PTK2B: variants seen among roughly 807,000 people sequenced by gnomAD.
PTK2B encodes the protein protein-tyrosine kinase 2-beta.
In PTK2B, 71 loss-of-function variants were observed where a neutral mutation model predicts 142.9. That is an observed-to-expected ratio of 0.50 (90% CI 0.41 to 0.61). PTK2B has a LOEUF of 0.61. PTK2B is among the 20% of genes least tolerant of loss of function. PTK2B has a pLI of 0.00. For synonymous variants in PTK2B, 519 were observed against 503.4 expected (o/e 1.03, Z -0.42); for missense variants, 1,105 against 1,320.4 (o/e 0.84, Z 2.53).
chr8:27,422,212 G>C (rs1809801436), intron 4 of PTK2B, 92 bp from the exon 5 acceptor site: 1 of 1,233,410 alleles, frequency 8.1e-7, no homozygotes, highest in East Asian at 2.7e-5. Context: ...CACTCAGGGA[G>C]GCAGAATGAG....
intron 19 of PTK2B, 31 bp from the exon 20 acceptor site, chr8:27,439,278 C>T: frequency 6.3e-7 from 1 of 1,582,928 alleles, no homozygotes; most frequent in Non-Finnish European, 8.7e-7. Context: ...ATCTTTCTTC[C>T]CTAAAAATCA....
rs755316711 is a variant in PTK2B, at chr8:27,419,998, A to ACTGGCTGC, written c.309_316dup (p.His106ProfsTer7). On this transcript the variant is annotated frameshift_variant, in exon 3 of 31. Transcript: ENST00000346049. LOFTEE classifies it high-confidence loss of function. Reference sequence around the variant, plus strand: ...AAGCACATGAAGTCCGATGAGATCCACTGGCTGCACCCACAGATGACGGTG... The same window carrying ACTGGCTGC: ...AAGCACATGAAGTCCGATGAGATCCACTGGCTGCCTGGCTGCACCCACAGATGACGGTG... 6.2e-7 allele frequency: 1 copy of ACTGGCTGC among 1,614,214 alleles called. No homozygotes were observed.
intron 21 of PTK2B, among the ~76,000 whole-genome samples, chr8:27,442,429 G>C (rs1811207475): frequency 6.6e-6 from 1 of 152,152 alleles, no homozygotes; most frequent in Non-Finnish European, 1.5e-5. Context: ...TGCCTCATTA[G>C]CACATACCGG....
At chr8:27,375,508 C>T (rs892926256) in intron 1 of PTK2B, among the ~76,000 whole-genome samples, 3 of 152,202 alleles carry the variant, frequency 2.0e-5, no homozygotes, top group Non-Finnish European at 4.4e-5. Flanking sequence ...CTAGTTCTGA[C>T]CTGTAGATCC....
At chr8:27,439,744 C>A (rs1023880157) in intron 20 of PTK2B, among the ~76,000 whole-genome samples, 5 of 152,130 alleles carry the variant, frequency 3.3e-5, no homozygotes, top group Non-Finnish European at 1.5e-5. Flanking sequence ...TGTAGAGAGA[C>A]AGCCCCTTAC....
At chr8:27,380,584 T>G (rs545499163) in intron 1 of PTK2B, 1 of 152,238 alleles carries the variant, frequency 6.6e-6, no homozygotes, top group Admixed American at 6.5e-5. Context: ...AATAAAGGGC[T>G]TGGGTAACGA....
chr8:27,418,052 T>G (rs956485032), intron 2 of PTK2B, among the ~76,000 whole-genome samples: 5 of 152,250 alleles, frequency 3.3e-5, no homozygotes, highest in African/African-American at 1.2e-4. Context: ...GGAGTGCCAC[T>G]GATCCCAGTC....
chr8:27,435,789 C>G lies in PTK2B; in HGVS notation c.1239C>G (p.Pro413=). The change falls in exon 14 of 31, where the codon CCC becomes CCG. Residue 413 remains proline (P), a synonymous_variant. Coordinates refer to ENST00000346049, the MANE Select transcript of PTK2B (RefSeq NM_173176.3). ...AEIPDETLRR[P]GGPQYGIARE... ...TTCCCGACGAAACCCTGCGAAGGCC[C>G]GGAGGTAGGTTCTCGACCCCGCCAC... The G allele has an allele frequency of 6.2e-7, 1 of 1,614,002 alleles. No homozygotes were observed. Among genetic ancestry groups the G allele is most frequent in the Non-Finnish European group, 8.5e-7 (1 of 1,179,980 alleles).
intron 12 of PTK2B, 33 bp from the exon 13 acceptor site, chr8:27,434,480 C>T (rs1301719823): frequency 6.3e-7 from 1 of 1,597,644 alleles, no homozygotes; most frequent in Admixed American, 1.7e-5. Context: ...GGCCTCTGAG[C>T]TCACCTGGCT....
chr8:27,365,439 T>C (rs777845856), intron 1 of PTK2B, among the ~76,000 whole-genome samples: 3 of 152,184 alleles, frequency 2.0e-5, no homozygotes, highest in Non-Finnish European at 4.4e-5. Context: ...AAGAAAGAGT[T>C]TAGCAAGACA....
intron 1 of PTK2B, among the ~76,000 whole-genome samples, chr8:27,339,121 G>A (rs1050355498): frequency 6.6e-6 from 1 of 152,190 alleles, no homozygotes; most frequent in African/African-American, 2.4e-5. Flanking sequence ...TTAAAAATGG[G>A]AAGAAACTAA....
Position 27,440,330 on chromosome 8 carries a change from G to A in PTK2B, c.1928G>A (p.Arg643Gln), listed in dbSNP as rs1231792839. 8 of 1,614,168 alleles carry A rather than the reference G, an allele frequency of 5.0e-6. No homozygotes were observed. Among genetic ancestry groups the A allele is most frequent in the South Asian group, 2.2e-5 (2 of 91,080 alleles). ...ATCGGGGTGCTGGAGAAAGGAGACC[G>A]GCTGCCCAAGCCTGATCTCTGTCCA... ...DVIGVLEKGDRLPKPDLCPPV... is the reference protein window; with the variant it reads ...DVIGVLEKGDQLPKPDLCPPV... Residue 643 changes from arginine (R) to glutamine (Q), a missense_variant, in exon 21 of 31, where the codon CGG becomes CAG. Coordinates refer to ENST00000346049, the MANE Select transcript of PTK2B (RefSeq NM_173176.3).
At chr8:27,397,490 T>A in intron 1 of PTK2B, 58 bp from the exon 2 acceptor site, 1 of 1,318,238 alleles carries the variant, frequency 7.6e-7, no homozygotes, top group Non-Finnish European at 1.1e-6. Flanking sequence ...CCTGGGGCCA[T>A]GAGGTATGTG....
chr8:27,448,434 A>T (rs1811609619), intron 24 of PTK2B, among the ~76,000 whole-genome samples: 1 of 152,222 alleles, frequency 6.6e-6, no homozygotes, highest in African/African-American at 2.4e-5. Flanking sequence ...CCAACCTCAA[A>T]GAGATTCCAT....
intron 23 of PTK2B, 90 bp from the exon 24 acceptor site, chr8:27,445,704 A>G: frequency 1.3e-6 from 2 of 1,564,594 alleles, no homozygotes; most frequent in Non-Finnish European, 8.7e-7. Context: ...GTGCTCATGC[A>G]TAGTTTCTTT....
At position 27,415,950 on chromosome 8, in the gene PTK2B, A is replaced by G. The variant is rs574547511; in HGVS notation, c.205-3945A>G. On this transcript the variant is annotated intron_variant, in intron 2 of 30. Coordinates refer to ENST00000346049, the MANE Select transcript of PTK2B (RefSeq NM_173176.3). ...AGGCATCAATGCTGTTAAGATGCCA[A>G]TTCTGGCCAGGTGCAGTGGTTCATG... 1.3e-4 allele frequency among the ~76,000 whole-genome samples: 20 copies of G among 152,346 alleles called. No individual in the cohort carries two copies. The East Asian group carries it at 1.3e-3, about 10-fold the overall frequency.
intron 1 of PTK2B, among the ~76,000 whole-genome samples, chr8:27,367,452 T>C (rs1197125518): frequency 6.6e-6 from 1 of 152,154 alleles, no homozygotes; most frequent in Admixed American, 6.5e-5. Context: ...TAGCCAAGTG[T>C]CCATTTCAAC....
At chr8:27,319,298 G>C (rs73241449) in intron 3 of PTK2B, among the ~76,000 whole-genome samples, 8,920 of 148,096 alleles carry the variant, frequency 0.06, 356 homozygotes, top group Middle Eastern at 0.1. Context: ...GATGGGGGAG[G>C]TGGAATATTT....
chr8:27,371,528 G>T (rs1342620183), intron 1 of PTK2B, among the ~76,000 whole-genome samples: 2 of 145,560 alleles, frequency 1.4e-5, no homozygotes, highest in Non-Finnish European at 3.0e-5. Flanking sequence ...AATATAAACA[G>T]AATCTATTTT....
Sources: gnomAD v4.1 joint callset for allele counts (sites outside exome capture counted in the v4.1 genomes callset) on GRCh38, gnomAD v4.1.1 for gene constraint, MANE v1.5 for transcripts, NCBI Gene and HGNC (gene_info 2026-07-23, HGNC 2026-07-21) for gene names.